Variants in TRIM67 observed in about 807,000 individuals in gnomAD.
The protein encoded by TRIM67 is tripartite motif-containing protein 67.
TRIM67 carries 39 observed loss-of-function variants against 71.0 expected under a neutral mutation model. The ratio of observed to expected loss-of-function variants is 0.55; its 90% CI spans 0.43 to 0.72. TRIM67 has a LOEUF of 0.72. TRIM67 is among the 30% of genes least tolerant of loss of function. The pLI is 0.00. For synonymous variants in TRIM67, 481 were observed against 473.9 expected (o/e 1.01, Z -0.19); for missense variants, 973 against 1,079.2 (o/e 0.90, Z 1.38).
chr1:231,220,340 G>A lies in TRIM67; in HGVS notation c.*4900G>A, dbSNP rs750738889. The A allele has an allele frequency of 1.0e-5, 2 of 196,754 alleles. No individual in the cohort carries two copies. Among genetic ancestry groups the A allele is most frequent in the Non-Finnish European group, 2.1e-5 (2 of 94,850 alleles). 12.2% of individuals were successfully genotyped at this position (196,754 alleles called of 1,614,324 possible). A position where few individuals can be genotyped will look rare whatever the true frequency, so the allele number is the denominator to read the frequency against. On this transcript the variant is annotated 3_prime_UTR_variant, in exon 10 of 10. Coordinates refer to ENST00000366653, the MANE Select transcript of TRIM67 (RefSeq NM_001004342.5). ...TCCCGGCGAGGCCTGTTTGAATGGC[G>A]CTCTGTGTGAGTGCTATGAACAGGC...
At chr1:231,195,366 C>T (rs939702485) in intron 1 of TRIM67, among the ~76,000 whole-genome samples, 13 of 152,244 alleles carry the variant, frequency 8.5e-5, no homozygotes, top group African/African-American at 3.1e-4. Flanking sequence ...CTAGCGGCTA[C>T]CGTCAGGGAC....
chr1:231,163,694 G>A lies in TRIM67; in HGVS notation c.725G>A (p.Arg242Gln), dbSNP rs1386040683. ...SACQLKCHPS[R>Q]GPFAKHRLVQ... ...TGCCAGCTCAAGTGCCATCCATCCC[G>A]GGGACCCTTCGCCAAGCATCGCCTG... The change falls in exon 1 of 10, where the codon CGG becomes CAG. Residue 242 changes from arginine to glutamine, a missense_variant. Physicochemically the swap from Arg to Gln is conservative, Grantham distance 43. Around this residue, in one of 2 missense-constraint regions of TRIM67, gnomAD observed 795 missense variants for 831.3 expected, o/e 0.96. Coordinates refer to ENST00000366653, the MANE Select transcript of TRIM67 (RefSeq NM_001004342.5). 17 of 1,509,366 alleles carry A rather than the reference G, an allele frequency of 1.1e-5. No homozygotes were observed. The South Asian group carries it at 2.0e-4, about 18-fold the overall frequency. 93.5% of individuals were successfully genotyped at this position (1,509,366 alleles called of 1,614,324 possible).
rs1312456669 is a variant in TRIM67 at position 231,221,485 on chromosome 1, T to C, written c.*6045T>C. 1 of 152,692 alleles carries C rather than the reference T, an allele frequency of 6.5e-6. No individual in the cohort carries two copies. The allele number at this position is 152,692 out of a possible 1,614,324, so 9.5% of individuals were successfully genotyped here. ...TTGGGGGTTAGTTGAACTTTCTGTA[T>C]TACCTTTTGGAAAACCTGAGTTTTA... On this transcript the variant is annotated 3_prime_UTR_variant, in exon 10 of 10. Transcript: ENST00000366653.
intron 1 of TRIM67, among the ~76,000 whole-genome samples, chr1:231,189,890 A>G (rs1477680558): frequency 6.6e-6 from 1 of 152,172 alleles, no homozygotes; most frequent in Non-Finnish European, 1.5e-5. Flanking sequence ...GCCGCAAGCC[A>G]AGGAATGTGG....
intron 1 of TRIM67, among the ~76,000 whole-genome samples, chr1:231,167,068 T>C (rs1571866578): frequency 6.6e-6 from 1 of 152,170 alleles, no homozygotes; most frequent in African/African-American, 2.4e-5. Flanking sequence ...TGGGTGCAGA[T>C]GGCCAGCTCT....
In TRIM67 at chr1:231,203,958, C is replaced by A; in HGVS notation, c.1626C>A (p.Ser542Arg). 6.2e-7 allele frequency: 1 copy of A among 1,613,994 alleles called. No homozygotes were observed. ...GGAGGATGCCACCCTTCACCCACAG[C>A]CCCGTGGACGGCTACATCCTGGAGC... ...LAWRMPPFTHSPVDGYILELD... is the reference protein window; with the variant it reads ...LAWRMPPFTHRPVDGYILELD... Residue 542 changes from serine to arginine, a missense_variant, in exon 6 of 10, where the codon AGC (serine) becomes AGA (arginine). Physicochemically the swap from Ser to Arg is moderately radical, Grantham distance 110. Transcript: ENST00000366653.
At chr1:231,211,900 C>T (rs530163892) in intron 8 of TRIM67, among the ~76,000 whole-genome samples, 1 of 152,236 alleles carries the variant, frequency 6.6e-6, no homozygotes, top group Admixed American at 6.5e-5. Context: ...ATAGTGAGGC[C>T]CTCGTCTCTA....
At chr1:231,206,180 C>CA (rs1211389350) in intron 6 of TRIM67, among the ~76,000 whole-genome samples, 4 of 151,984 alleles carry the variant, frequency 2.6e-5, no homozygotes, top group African/African-American at 9.7e-5. Flanking sequence ...GTAATCCCAG[C>CA]ACTTTGGGAG....
In TRIM67 at chr1:231,219,104, G is replaced by A. The variant is rs569684984; in HGVS notation, c.*3664G>A. ...CACCTGCTGGCTTTGAGGTAGTGAG[G>A]GAGGGTCAATCCTTAGGGGGAGTCA... On this transcript the variant is annotated 3_prime_UTR_variant, in exon 10 of 10. Transcript: ENST00000366653. 22 of 985,518 alleles carry A rather than the reference G, an allele frequency of 2.2e-5. No homozygotes were observed. The South Asian group carries it at 1.0e-3, about 46-fold the overall frequency. 61.0% of individuals were successfully genotyped at this position (985,518 alleles called of 1,614,324 possible).
intron 1 of TRIM67, among the ~76,000 whole-genome samples, chr1:231,189,047 G>A (rs896410447): frequency 6.6e-6 from 1 of 152,200 alleles, no homozygotes; most frequent in African/African-American, 2.4e-5. Context: ...CCAGTACAAA[G>A]CTGACGATCC....
intron 1 of TRIM67, chr1:231,185,128 G>A (rs1310937576): frequency 6.5e-7 from 1 of 1,532,908 alleles, no homozygotes; most frequent in Non-Finnish European, 8.7e-7. Context: ...CGAGTTGCTG[G>A]CTCAATGGGA....
intron 2 of TRIM67, 85 bp from the exon 3 acceptor site, chr1:231,198,962 T>C (rs1056564740): frequency 1.3e-6 from 2 of 1,587,556 alleles, no homozygotes; most frequent in Middle Eastern, 1.7e-4. Context: ...CTGAAATATA[T>C]CTTTGTCTAT....
Position 231,216,216 on chromosome 1 carries a change from C to T in TRIM67, c.*776C>T. The T allele has an allele frequency of 1.0e-6, 1 of 958,124 alleles. No homozygotes were observed. The highest frequency in any genetic ancestry group is 1.2e-6 in the Non-Finnish European group (1 of 806,054). 59.4% of individuals were successfully genotyped at this position (958,124 alleles called of 1,614,324 possible). A position where few individuals can be genotyped will look rare whatever the true frequency, so the allele number is the denominator to read the frequency against. On this transcript the variant is annotated 3_prime_UTR_variant, in exon 10 of 10. Coordinates refer to ENST00000366653, the MANE Select transcript of TRIM67 (RefSeq NM_001004342.5). Reference sequence around the variant, plus strand: ...TTGCTCTCTCTTTCTTCCTTTCCTCCTTCTCTCTTACTTTCCTCCATCCCT... The same window carrying T: ...TTGCTCTCTCTTTCTTCCTTTCCTCTTTCTCTCTTACTTTCCTCCATCCCT...
Position 231,162,525 on chromosome 1 carries a change from G to C in TRIM67, c.-445G>C. On this transcript the variant is annotated 5_prime_UTR_variant, in exon 1 of 10. Transcript: ENST00000366653. ...GATAAGGAGTTGGGCCGGGGCAGAA[G>C]GGGGGCCTCGGGGTAGCCGCCCACC... The C allele has an allele frequency of 1.1e-5, 2 of 187,286 alleles. No homozygotes were observed. Among genetic ancestry groups the C allele is most frequent in the South Asian group, 2.3e-4 (2 of 8,876 alleles). The allele number at this position is 187,286 out of a possible 1,614,324, so 11.6% of individuals were successfully genotyped here. A position where few individuals can be genotyped will look rare whatever the true frequency, so the allele number is the denominator to read the frequency against.
In TRIM67 at chr1:231,216,281, TTC is replaced by T. The variant is rs147410325; in HGVS notation, c.*854_*855del. On this transcript the variant is annotated 3_prime_UTR_variant, in exon 10 of 10. Transcript: ENST00000366653. ...TCTTTCGCTCTCTTTCCCTCCCTCC[TTC>T]TCTCTCTCTCTCACACACACACAGG... 4.9e-4 allele frequency: 475 copies of T among 962,732 alleles called. No homozygotes were observed. The highest frequency in any genetic ancestry group is 2.1e-3 in the Middle Eastern group (4 of 1,912). 59.6% of individuals were successfully genotyped at this position (962,732 alleles called of 1,614,324 possible). A position where few individuals can be genotyped will look rare whatever the true frequency, so the allele number is the denominator to read the frequency against.
At chr1:231,188,810 G>C (rs1395841682) in intron 1 of TRIM67, among the ~76,000 whole-genome samples, 1 of 152,174 alleles carries the variant, frequency 6.6e-6, no homozygotes, top group Non-Finnish European at 1.5e-5. Context: ...TATTCTTATT[G>C]CTATTAATGG....
intron 7 of TRIM67, among the ~76,000 whole-genome samples, chr1:231,208,175 ATTT>A (rs533982063): frequency 1.4e-5 from 2 of 138,386 alleles, no homozygotes; most frequent in African/African-American, 2.7e-5. Context: ...TGTCCAGCGA[ATTT>A]TTTTTTTTTT....
Position 231,200,187 on chromosome 1 carries a change from C to T in TRIM67, c.1303C>T (p.Arg435Cys), listed in dbSNP as rs372382212. 18 of 1,613,738 alleles carry T rather than the reference C, an allele frequency of 1.1e-5. No homozygotes were observed. The highest frequency in any genetic ancestry group is 2.2e-5 in the East Asian group (1 of 44,890). ...GATCAATCACTGCACATTGAAGCTG[C>T]GTCAGTCCACCGGACTGATGGAGTA... ...DQINHCTLKL[R>C]QSTGLMEYCL... The change falls in exon 4 of 10, where the codon CGT (arginine) becomes TGT (cysteine). Residue 435 changes from arginine (R) to cysteine (C), a missense_variant. Coordinates refer to ENST00000366653, the MANE Select transcript of TRIM67 (RefSeq NM_001004342.5).
rs1043772181 is a variant in TRIM67 at position 231,220,488 on chromosome 1, G to A, written c.*5048G>A. Reference sequence around the variant, plus strand: ...GTTACCTAAGTTCTGGTATCTAAGGGGTCTCTCATCTCACAGCTTGCCTCC... The same window carrying A: ...GTTACCTAAGTTCTGGTATCTAAGGAGTCTCTCATCTCACAGCTTGCCTCC... On this transcript the variant is annotated 3_prime_UTR_variant, in exon 10 of 10. Transcript: ENST00000366653. 1 of 153,444 alleles carries A rather than the reference G, an allele frequency of 6.5e-6. No individual in the cohort carries two copies. The highest frequency in any genetic ancestry group is 2.4e-5 in the African/African-American group (1 of 41,450). The allele number at this position is 153,444 out of a possible 1,614,324, so 9.5% of individuals were successfully genotyped here.
Sources: gnomAD v4.1 joint callset for allele counts (sites outside exome capture counted in the v4.1 genomes callset) on GRCh38, gnomAD v4.1.1 for gene constraint, gnomAD v4.1.1 regional missense constraint, MANE v1.5 for transcripts, NCBI Gene and HGNC (gene_info 2026-07-23, HGNC 2026-07-21) for gene names.